The following PLEK variants were observed in gnomAD, a reference collection of about 807,000 sequenced individuals.
PLEK encodes platelet 47 kDa protein.
Under a neutral mutation model 43.9 loss-of-function variants are expected in PLEK, and 25 were observed. The observed-to-expected ratio is 0.57, with a 90% CI of 0.41 to 0.79. PLEK has a LOEUF of 0.79. PLEK is among the 30% of genes least tolerant of loss of function. PLEK has a pLI of 0.00. For synonymous variants in PLEK, 152 were observed against 144.4 expected (o/e 1.05, Z -0.38); for missense variants, 396 against 413.3 (o/e 0.96, Z 0.36).
chr2:68,385,949 C>A (rs540900904), intron 4 of PLEK, among the ~76,000 whole-genome samples: 5 of 152,114 alleles, frequency 3.3e-5, no homozygotes, highest in African/African-American at 1.2e-4. Flanking sequence ...TACCTAGCAT[C>A]GAGTAGGTGC....
rs1164768252 is a variant in PLEK, at chr2:68,396,020, T to A, written c.*204T>A. On this transcript the variant is annotated 3_prime_UTR_variant, in exon 9 of 9. Transcript: ENST00000234313. ...GCTCACTGCAGCCCCTCTGCCCCTA[T>A]CCATGACCCCCAAGCAGATATAACA... is the stretch of plus-strand genomic sequence containing the variant. The A allele has an allele frequency of 3.7e-6, 2 of 546,804 alleles. No homozygotes were observed. The highest frequency in any genetic ancestry group is 5.9e-5 in the East Asian group (2 of 34,042). 33.9% of individuals were successfully genotyped at this position (546,804 alleles called of 1,614,324 possible).
chr2:68,393,049 T>C, intron 6 of PLEK, 113 bp from the exon 7 acceptor site: 2 of 768,390 alleles, frequency 2.6e-6, no homozygotes, highest in East Asian at 4.9e-5. Context: ...AGTTAGTATT[T>C]CATTTTCTCT....
chr2:68,378,130 T>C (rs1418125603), intron 1 of PLEK, among the ~76,000 whole-genome samples: 6 of 152,220 alleles, frequency 3.9e-5, no homozygotes, highest in Admixed American at 2.6e-4. Flanking sequence ...CATTATACAC[T>C]TATATATACA....
At chr2:68,386,728 G>A (rs747627144) in intron 5 of PLEK, 42 bp downstream of exon 5, 1 of 1,460,310 alleles carries the variant, frequency 6.8e-7, no homozygotes, top group Non-Finnish European at 9.6e-7. Context: ...AAGGGAGGCT[G>A]CCCTGAGCAG....
intron 1 of PLEK, among the ~76,000 whole-genome samples, chr2:68,377,627 T>G (rs1673530898): frequency 6.6e-6 from 1 of 152,206 alleles, no homozygotes; most frequent in Non-Finnish European, 1.5e-5. Context: ...TATTAGATTT[T>G]TTTCCTCTAG....
Position 68,380,743 on chromosome 2 carries a change from G to A in PLEK, c.219G>A (p.Thr73=), listed in dbSNP as rs148878592. 2.7e-5 allele frequency: 43 copies of A among 1,613,602 alleles called. No homozygotes were observed. The East Asian group carries it at 2.7e-4, about 10-fold the overall frequency. Residue 73 remains threonine, a synonymous_variant, in exon 3 of 9, where the codon ACG becomes ACA. Coordinates refer to ENST00000234313, the MANE Select transcript of PLEK (RefSeq NM_002664.3). The stretch of plus-strand genomic sequence containing the variant: ...TTCAGTTTGTGTTTAAGATCACTAC[G>A]ACCAAACAGCAGGACCACTTCTTCC... ...GKRMFVFKIT[T]TKQQDHFFQA...
At chr2:68,370,750 T>C (rs1195429158) in intron 1 of PLEK, among the ~76,000 whole-genome samples, 1 of 152,176 alleles carries the variant, frequency 6.6e-6, no homozygotes. Context: ...CCTCCCAAAG[T>C]GCTAGGATTA....
At chr2:68,386,055 A>T (rs1406081922) in intron 4 of PLEK, among the ~76,000 whole-genome samples, 5 of 151,306 alleles carry the variant, frequency 3.3e-5, no homozygotes, top group Non-Finnish European at 1.5e-5. Flanking sequence ...CAAAGACTTT[A>T]TTTTTTTATT....
chr2:68,382,575 A>C lies in PLEK; in HGVS notation c.414A>C (p.Lys138Asn). 1.3e-6 allele frequency: 2 copies of C among 1,597,846 alleles called. No homozygotes were observed. The highest frequency in any genetic ancestry group is 1.7e-6 in the Non-Finnish European group (2 of 1,165,428). The change falls in exon 4 of 9, where the codon AAA becomes AAC. Residue 138 changes from lysine to asparagine, a missense_variant. By Grantham distance (94) the Lys-to-Asn change is moderately conservative (BLOSUM62 0). Transcript: ENST00000234313. Reference protein sequence around the residue: ...ALYLSMKDTEKGIKELNLEKD... With the variant: ...ALYLSMKDTENGIKELNLEKD... Reference sequence around the variant, plus strand: ...ATTTGTCCATGAAAGACACTGAAAAAGGAATAAAAGAACTGAATCTAGAGA... The same window carrying C: ...ATTTGTCCATGAAAGACACTGAAAACGGAATAAAAGAACTGAATCTAGAGA...
rs750308388 is a variant in PLEK at position 68,380,532 on chromosome 2, T to C, written c.198+49T>C. 6 of 1,577,884 alleles carry C rather than the reference T, an allele frequency of 3.8e-6. No individual in the cohort carries two copies. The South Asian group carries it at 6.8e-5, about 18-fold the overall frequency. ...GTGAACCCCTGGTCAGGCACTCAACTTTTGGTGCAAGCATTGCCTACAATG... is the reference window on the plus strand; with the variant it reads ...GTGAACCCCTGGTCAGGCACTCAACCTTTGGTGCAAGCATTGCCTACAATG... On this transcript the variant is annotated intron_variant, in intron 2 of 8. Transcript: ENST00000234313.
intron 4 of PLEK, among the ~76,000 whole-genome samples, chr2:68,383,413 C>A (rs62143912): frequency 0.012 from 1,888 of 152,004 alleles, 23 homozygotes; most frequent in Middle Eastern, 0.027. Context: ...CAAATTTGAC[C>A]CTGAAAGATG....
Position 68,395,597 on chromosome 2 carries a change from G to A in PLEK, c.917-83G>A. On this transcript the variant is annotated intron_variant, in intron 8 of 8. Coordinates refer to ENST00000234313, the MANE Select transcript of PLEK (RefSeq NM_002664.3). ...TTCCTTAGAACACGAAGAAAACAGA[G>A]ATTTCATGGCTTGCAGAGGAGGGTG... 4.1e-6 allele frequency: 6 copies of A among 1,449,240 alleles called. No homozygotes were observed. In the East Asian group the frequency reaches 1.4e-4, roughly 33 times the overall value. 89.8% of individuals were successfully genotyped at this position (1,449,240 alleles called of 1,614,324 possible).
intron 1 of PLEK, among the ~76,000 whole-genome samples, chr2:68,370,111 G>A (rs987512039): frequency 6.6e-6 from 1 of 152,230 alleles, no homozygotes; most frequent in Non-Finnish European, 1.5e-5. Flanking sequence ...CATGTCCCAT[G>A]GGTGTGCAAG....
In PLEK at chr2:68,397,006, G is replaced by C. The variant is rs1673974244; in HGVS notation, c.*1190G>C. On this transcript the variant is annotated 3_prime_UTR_variant, in exon 9 of 9. Coordinates refer to ENST00000234313, the MANE Select transcript of PLEK (RefSeq NM_002664.3). The stretch of plus-strand genomic sequence containing the variant: ...CCTGCTTGAGTTCTGAGGGCATCAT[G>C]GCCCTATGATTAACCAGAGTGATCT... 1 of 152,166 alleles carries C rather than the reference G, an allele frequency of 6.6e-6. No individual in the cohort carries two copies. Among genetic ancestry groups the C allele is most frequent in the Non-Finnish European group, 1.5e-5 (1 of 68,038 alleles). The allele number at this position is 152,166 out of a possible 1,614,324, so 9.4% of individuals were successfully genotyped here.
intron 1 of PLEK, among the ~76,000 whole-genome samples, chr2:68,374,248 A>C (rs1673461744): frequency 6.6e-6 from 1 of 152,190 alleles, no homozygotes; most frequent in African/African-American, 2.4e-5. Context: ...ACATCTAAGA[A>C]ATTTATTACT....
At chr2:68,380,561 G>T (rs1673592743) in intron 2 of PLEK, 78 bp downstream of exon 2, 3 of 1,490,042 alleles carry the variant, frequency 2.0e-6, no homozygotes, top group Non-Finnish European at 9.2e-7. Context: ...TACAATGTGG[G>T]TGGTGCTCCT....
intron 1 of PLEK, among the ~76,000 whole-genome samples, chr2:68,368,672 T>C (rs901696242): frequency 2.0e-5 from 3 of 152,254 alleles, no homozygotes; most frequent in Non-Finnish European, 4.4e-5. Flanking sequence ...GAATACCTAC[T>C]ACTGAATTAG....
intron 8 of PLEK, 65 bp downstream of exon 8, chr2:68,394,241 C>T: frequency 1.1e-6 from 1 of 905,582 alleles, no homozygotes; most frequent in Non-Finnish European, 1.9e-6. Context: ...CCTGGACATC[C>T]TGGGCCAACA....
chr2:68,386,487 G>C lies in PLEK; in HGVS notation c.473-15G>C. On this transcript the variant is annotated splice_polypyrimidine_tract_variant and intron_variant, in intron 4 of 8. Transcript: ENST00000234313. ...GGTAAGGAGAGTTAACCTTCCCTGT[G>C]CTGGTCCCATCTAGGTAACTGCGTC... The C allele has an allele frequency of 2.5e-6, 4 of 1,609,854 alleles. No homozygotes were observed. The highest frequency in any genetic ancestry group is 3.4e-6 in the Non-Finnish European group (4 of 1,176,918).
Sources: gnomAD v4.1 joint callset for allele counts (sites outside exome capture counted in the v4.1 genomes callset) on GRCh38, gnomAD v4.1.1 for gene constraint, MANE v1.5 for transcripts, NCBI Gene and HGNC (gene_info 2026-07-23, HGNC 2026-07-21) for gene names.